The following ARHGAP24 variants were observed in gnomAD, a reference collection of about 807,000 sequenced individuals.
ARHGAP24 encodes Rho GTPase activating protein 24, also known as rho GTPase-activating protein 24.
A neutral mutation model predicts 76.4 loss-of-function variants in ARHGAP24; 50 were observed. That is an observed-to-expected ratio of 0.65 (90% CI 0.52 to 0.83). The LOEUF (loss-of-function observed/expected upper bound fraction) is 0.83. ARHGAP24 is among the 40% of genes least tolerant of loss of function. The pLI is 0.00. For missense variants in ARHGAP24, 930 were observed against 914.2 expected (o/e 1.02, Z -0.22); for synonymous variants, 345 against 323.3 (o/e 1.07, Z -0.72).
At chr4:85,867,478 C>T (rs1732259798) in intron 3 of ARHGAP24, among the ~76,000 whole-genome samples, 1 of 152,082 alleles carries the variant, frequency 6.6e-6, no homozygotes, top group African/African-American at 2.4e-5. Context: ...ACAAACTCTA[C>T]TTAGTCTGGC....
chr4:85,622,119 T>C (rs886366812), intron 2 of ARHGAP24, among the ~76,000 whole-genome samples: 2 of 152,132 alleles, frequency 1.3e-5, no homozygotes, highest in Non-Finnish European at 2.9e-5. Context: ...TATTATACTT[T>C]AAGTTTTAGG....
At chr4:85,957,237 G>A (rs1737972117) in intron 5 of ARHGAP24, among the ~76,000 whole-genome samples, 1 of 152,152 alleles carries the variant, frequency 6.6e-6, no homozygotes. Flanking sequence ...TAGGTTTACT[G>A]ATATTTTTCT....
intron 3 of ARHGAP24, among the ~76,000 whole-genome samples, chr4:85,837,902 T>C (rs796464074): frequency 5.3e-4 from 81 of 152,348 alleles, no homozygotes; most frequent in African/African-American, 1.7e-3. Flanking sequence ...CGATCGGTAT[T>C]GTATTTCTGC....
At chr4:85,949,626 G>C (rs1321322958) in intron 5 of ARHGAP24, among the ~76,000 whole-genome samples, 1 of 152,144 alleles carries the variant, frequency 6.6e-6, no homozygotes, top group African/African-American at 2.4e-5. Context: ...AGACAGTAAG[G>C]GTGGAAGCTA....
At chr4:85,779,143 C>T (rs1439348141) in intron 3 of ARHGAP24, among the ~76,000 whole-genome samples, 1 of 151,958 alleles carries the variant, frequency 6.6e-6, no homozygotes, top group Non-Finnish European at 1.5e-5. Flanking sequence ...TGAAACTACT[C>T]GGATTTTGCT....
At chr4:85,640,542 A>C (rs746436694) in intron 2 of ARHGAP24, among the ~76,000 whole-genome samples, 1 of 152,190 alleles carries the variant, frequency 6.6e-6, no homozygotes, top group African/African-American at 2.4e-5. Flanking sequence ...AATATTGACT[A>C]TAAGAATTTT....
intron 2 of ARHGAP24, among the ~76,000 whole-genome samples, chr4:85,590,079 A>C (rs1728021382): frequency 6.6e-6 from 1 of 152,212 alleles, no homozygotes; most frequent in Non-Finnish European, 1.5e-5. Flanking sequence ...AATTCGTAAC[A>C]CAAAGATGCT....
At chr4:85,919,109 C>T (rs1735578377) in intron 3 of ARHGAP24, among the ~76,000 whole-genome samples, 1 of 152,114 alleles carries the variant, frequency 6.6e-6, no homozygotes, top group Admixed American at 6.6e-5. Flanking sequence ...TCTCACCACT[C>T]CAGTGATAAT....
chr4:85,894,884 C>G (rs1267124922), intron 3 of ARHGAP24, among the ~76,000 whole-genome samples: 2 of 148,088 alleles, frequency 1.4e-5, no homozygotes, highest in Non-Finnish European at 3.0e-5. Flanking sequence ...TCTCTTGCAC[C>G]CAGGAGGCAG....
chr4:85,768,259 A>C, intron 3 of ARHGAP24, among the ~76,000 whole-genome samples: 1 of 152,232 alleles, frequency 6.6e-6, no homozygotes, highest in Non-Finnish European at 1.5e-5. Flanking sequence ...GATTTAAAAA[A>C]ATGTGAAAAT....
chr4:85,521,716 T>C (rs1724761863), intron 1 of ARHGAP24, among the ~76,000 whole-genome samples: 1 of 152,162 alleles, frequency 6.6e-6, no homozygotes, highest in South Asian at 2.1e-4. Flanking sequence ...TGATGTTAAT[T>C]TTAACTAGTT....
At chr4:85,820,694 A>T (rs1409827750) in intron 3 of ARHGAP24, among the ~76,000 whole-genome samples, 1 of 152,220 alleles carries the variant, frequency 6.6e-6, no homozygotes, top group Non-Finnish European at 1.5e-5. Flanking sequence ...AAATACAGTG[A>T]CACTGAGGAG....
At chr4:85,622,213 C>G (rs1720742637) in intron 2 of ARHGAP24, among the ~76,000 whole-genome samples, 1 of 151,444 alleles carries the variant, frequency 6.6e-6, no homozygotes, top group South Asian at 2.1e-4. Context: ...TGTCATTTAG[C>G]ATTAGGTATA....
chr4:85,819,457 C>T (rs1352287710), intron 3 of ARHGAP24, among the ~76,000 whole-genome samples: 2 of 151,746 alleles, frequency 1.3e-5, no homozygotes, highest in East Asian at 1.9e-4. Flanking sequence ...AATTTTTCCA[C>T]CTTTGTTGCT....
At chr4:85,524,253 T>G (rs373554073) in intron 1 of ARHGAP24, among the ~76,000 whole-genome samples, 5 of 152,108 alleles carry the variant, frequency 3.3e-5, no homozygotes, top group African/African-American at 1.2e-4. Context: ...CTTGGGCTAA[T>G]TTTTTACCAA....
chr4:85,989,691 A>G (rs748563934), intron 8 of ARHGAP24, among the ~76,000 whole-genome samples: 7 of 151,744 alleles, frequency 4.6e-5, no homozygotes, highest in Non-Finnish European at 1.0e-4. Flanking sequence ...AATCAGGACC[A>G]GTGGGGTTTA....
chr4:85,631,649 T>G (rs1166839073), intron 2 of ARHGAP24, among the ~76,000 whole-genome samples: 1 of 152,126 alleles, frequency 6.6e-6, no homozygotes, highest in African/African-American at 2.4e-5. Flanking sequence ...TTTCCTATTC[T>G]TTCTCATGTG....
At chr4:85,554,293 T>A (rs2110131137) in intron 1 of ARHGAP24, among the ~76,000 whole-genome samples, 1 of 152,326 alleles carries the variant, frequency 6.6e-6, no homozygotes, top group Middle Eastern at 3.4e-3. Flanking sequence ...GAGGATGGTC[T>A]TCTTGTGTAA....
At chr4:85,561,003 C>T (rs917616931) in intron 1 of ARHGAP24, among the ~76,000 whole-genome samples, 2 of 152,210 alleles carry the variant, frequency 1.3e-5, no homozygotes, top group Non-Finnish European at 1.5e-5. Flanking sequence ...AGCATTCATT[C>T]ACTTATTCAT....
Sources: allele counts gnomAD v4.1 joint callset (sites outside exome capture counted in the v4.1 genomes callset), GRCh38; gene constraint gnomAD v4.1.1; transcripts MANE v1.5; gene names NCBI Gene and HGNC (gene_info 2026-07-23, HGNC 2026-07-21).